Variants in HEPH observed in about 807,000 individuals in gnomAD.
HEPH encodes the protein hephaestin.
HEPH carries 69 observed loss-of-function variants against 80.8 expected under a neutral mutation model. The ratio of observed to expected loss-of-function variants is 0.85; its 90% CI spans 0.70 to 1.04. The LOEUF (loss-of-function observed/expected upper bound fraction) is 1.04. Ranked by LOEUF, HEPH falls within the 50% of genes least tolerant of loss-of-function variation. The pLI is 0.00. For synonymous variants in HEPH, 431 were observed against 322.8 expected, an observed-to-expected ratio of 1.34 and a Z score of -3.60; for missense variants, 1,115 against 891.3, an observed-to-expected ratio of 1.25 and a Z score of -3.20.
rs759170684 is a variant in HEPH, at chrX:66,189,945, T to G, written c.1063+7T>G. 7.7e-6 allele frequency: 9 copies of G among 1,164,641 alleles called. No homozygotes were observed. Among genetic ancestry groups the G allele is most frequent in the South Asian group, 3.9e-5 (2 of 51,677 alleles). Reference sequence around the variant, plus strand: ...GTGAACAGTCACTTTCGAGGTGAGATCCAACATTTCTGACCATTGGGTTGT... The same window carrying G: ...GTGAACAGTCACTTTCGAGGTGAGAGCCAACATTTCTGACCATTGGGTTGT... On this transcript the variant is annotated splice_region_variant and intron_variant, in intron 6 of 20. Transcript: ENST00000343002.
At chrX:66,172,254 A>G (rs1602197351) in intron 2 of HEPH, 101 bp from the exon 3 acceptor site, 4 of 810,820 alleles carry the variant, frequency 4.9e-6, no homozygotes, top group Middle Eastern at 4.1e-4. Context: ...GTTTTGTCCT[A>G]AACAAAGATA....
intron 3 of HEPH, among the ~76,000 whole-genome samples, chrX:66,173,044 T>C (rs1012135199): frequency 1.8e-5 from 2 of 112,259 alleles, no homozygotes; most frequent in Non-Finnish European, 3.8e-5. Flanking sequence ...CCTGGCCCAG[T>C]AATTTATAAT....
intron 17 of HEPH, among the ~76,000 whole-genome samples, chrX:66,257,348 G>A (rs781392615): frequency 4.5e-5 from 5 of 111,673 alleles, no homozygotes; most frequent in Non-Finnish European, 7.5e-5. Flanking sequence ...CCTACCTATC[G>A]ATCGAGCAGG....
rs1253925239 is a variant in HEPH, at chrX:66,180,848, T to TCCC, written c.625+7050_625+7052dup. Among the ~76,000 whole-genome samples the TCCC allele has an allele frequency of 1.0e-4, 5 of 48,990 alleles. No homozygotes were observed. In the Admixed American group the frequency reaches 1.4e-3, roughly 13 times the overall value. 42.5% of individuals were successfully genotyped at this position (48,990 alleles called of 115,157 possible). ...ATCTCCCAATGCTATCCCTCCCCCC[T>TCCC]CCCCCGACCCCACCACAGTCCCCAG... On this transcript the variant is annotated intron_variant, in intron 4 of 20. Transcript: ENST00000343002.
rs1461005921 is a variant in HEPH, at chrX:66,266,423, T to A, written c.3245-17T>A. 2.5e-6 allele frequency: 3 copies of A among 1,182,838 alleles called. No homozygotes were observed. Among genetic ancestry groups the A allele is most frequent in the Non-Finnish European group, 3.4e-6 (3 of 873,098 alleles). On this transcript the variant is annotated splice_polypyrimidine_tract_variant and intron_variant, in intron 20 of 20. Transcript: ENST00000343002. ...CTCCCCATCCCAGGATGCCCATTTT[T>A]TTTTTCTCCATTTCAGCAGTGCCCC...
upstream of HEPH, among the ~76,000 whole-genome samples, chrX:66,163,764 A>G (rs950155036): frequency 1.8e-5 from 2 of 111,978 alleles, no homozygotes; most frequent in Non-Finnish European, 3.8e-5. Context: ...TCAGAGCTGA[A>G]TTTTCCTCAG....
intron 4 of HEPH, among the ~76,000 whole-genome samples, chrX:66,176,592 G>A (rs1335847291): frequency 5.4e-5 from 6 of 111,178 alleles, no homozygotes; most frequent in Non-Finnish European, 7.6e-5. Context: ...TTGGTGCGCT[G>A]CACCCATTAC....
intron 15 of HEPH, among the ~76,000 whole-genome samples, chrX:66,220,421 T>C (rs979733154): frequency 1.2e-4 from 13 of 111,373 alleles, no homozygotes; most frequent in African/African-American, 4.3e-4. Flanking sequence ...CACTCCCCTT[T>C]TTTCCAGCAA....
chrX:66,229,540 A>G (rs926691894), intron 15 of HEPH, among the ~76,000 whole-genome samples: 1 of 111,744 alleles, frequency 8.9e-6, no homozygotes, highest in Non-Finnish European at 1.9e-5. Context: ...AGTATCAGAA[A>G]TCACCACTAA....
At chrX:66,242,343 C>T (rs2090628852) in intron 15 of HEPH, among the ~76,000 whole-genome samples, 1 of 111,674 alleles carries the variant, frequency 9.0e-6, no homozygotes, top group African/African-American at 3.3e-5. Context: ...TGGACCCTTT[C>T]TTTAATCATA....
intron 15 of HEPH, among the ~76,000 whole-genome samples, chrX:66,235,794 G>A (rs2090337044): frequency 9.0e-6 from 1 of 111,702 alleles, no homozygotes; most frequent in South Asian, 3.7e-4. Flanking sequence ...GGACTGTATG[G>A]CCATTTTAGT....
intron 4 of HEPH, among the ~76,000 whole-genome samples, chrX:66,180,754 A>G (rs1195347774): frequency 2.3e-5 from 2 of 85,754 alleles, no homozygotes; most frequent in East Asian, 7.7e-4. Context: ...TGTGCAGGTT[A>G]GTTACATATG....
chrX:66,208,039 T>C (rs926029769), intron 14 of HEPH, 76 bp from the exon 15 acceptor site: 8 of 761,621 alleles, frequency 1.1e-5, no homozygotes, highest in Admixed American at 5.7e-5. Flanking sequence ...TGCTCATATA[T>C]GTCCCTTTCT....
At position 66,258,760 on chromosome X, in the gene HEPH, A is replaced by G; in HGVS notation, c.2897-80A>G. 2.4e-6 allele frequency: 2 copies of G among 823,193 alleles called. 1 individual carries two copies. Among genetic ancestry groups the G allele is most frequent in the South Asian group, 5.9e-5 (2 of 34,060 alleles). The allele number at this position is 823,193 out of a possible 1,213,427, so 67.8% of individuals were successfully genotyped here. The stretch of plus-strand genomic sequence containing the variant: ...TTCGGTAAAAAAGATTAGGCCTAGG[A>G]TAGTGGAAATGGGAAGTCCAAAGGA... On this transcript the variant is annotated intron_variant, in intron 17 of 20. Coordinates refer to ENST00000343002, the MANE Select transcript of HEPH (RefSeq NM_001367233.3).
At chrX:66,177,947 A>T (rs1453340223) in intron 4 of HEPH, among the ~76,000 whole-genome samples, 2 of 108,079 alleles carry the variant, frequency 1.9e-5, no homozygotes, top group African/African-American at 6.8e-5. Flanking sequence ...AGATTGAAGA[A>T]TTTTTTTTTT....
chrX:66,222,667 C>T (rs1245508365), intron 15 of HEPH, among the ~76,000 whole-genome samples: 1 of 111,573 alleles, frequency 9.0e-6, no homozygotes, highest in African/African-American at 3.3e-5. Flanking sequence ...GAGCAAGACT[C>T]CTGGTTGACA....
intron 15 of HEPH, among the ~76,000 whole-genome samples, chrX:66,218,009 T>C (rs2089472195): frequency 9.0e-6 from 1 of 111,334 alleles, no homozygotes; most frequent in African/African-American, 3.3e-5. Context: ...TAAATATATA[T>C]GCACCTAACA....
intron 15 of HEPH, among the ~76,000 whole-genome samples, chrX:66,227,964 G>C (rs903438095): frequency 9.0e-6 from 1 of 111,019 alleles, no homozygotes; most frequent in Non-Finnish European, 1.9e-5. Context: ...AAATTGCATT[G>C]AATGTAAAAA....
At position 66,232,349 on chromosome X, in the gene HEPH, C is replaced by T. The variant is rs150684103; in HGVS notation, c.2564-22686C>T. On this transcript the variant is annotated intron_variant, in intron 15 of 20. Transcript: ENST00000343002. ...TATTGATTGGAATAGAAAATTTACT[C>T]TAAGTGTTGTTACAATAATACTGCA... is the stretch of plus-strand genomic sequence containing the variant. Among the ~76,000 whole-genome samples the T allele has an allele frequency of 8.4e-3, 940 of 111,404 alleles. 7 individuals are homozygous for T. The highest frequency in any genetic ancestry group is 0.012 in the Non-Finnish European group (646 of 53,014).
Sources: gnomAD v4.1 joint callset for allele counts (sites outside exome capture counted in the v4.1 genomes callset) on GRCh38, gnomAD v4.1.1 for gene constraint, MANE v1.5 for transcripts, NCBI Gene and HGNC (gene_info 2026-07-23, HGNC 2026-07-21) for gene names.